BRCA1: variants seen among roughly 807,000 people sequenced by gnomAD.
BRCA1 encodes the protein breast cancer type 1 susceptibility protein.
In BRCA1, 140 loss-of-function variants were observed where a neutral mutation model predicts 173.7. The observed-to-expected ratio is 0.81, with a 90% CI of 0.70 to 0.93. The LOEUF (loss-of-function observed/expected upper bound fraction) is 0.93, where lower values mean the gene tolerates loss of function less well. BRCA1 is among the 40% of genes least tolerant of loss of function. The pLI, the probability that BRCA1 is intolerant of heterozygous loss-of-function variation, is 0.00. For synonymous variants in BRCA1, 662 were observed against 756.0 expected, an observed-to-expected ratio of 0.88 and a Z score of 2.04; for missense variants, 1,983 against 2,172.5, an observed-to-expected ratio of 0.91 and a Z score of 1.73.
At chr17:43,124,889 T>C (rs1378752260) in intron 1 of BRCA1, 3 of 313,850 alleles carry the variant, frequency 9.6e-6, no homozygotes, top group East Asian at 8.8e-5. Flanking sequence ...CCTGAGTAGC[T>C]GGAGCGGCAC....
chr17:43,114,334 T>G (rs755699679), intron 3 of BRCA1, among the ~76,000 whole-genome samples: 4 of 151,534 alleles, frequency 2.6e-5, no homozygotes, highest in African/African-American at 9.7e-5. Flanking sequence ...CCAGATAAAT[T>G]GAAAGCCCCA....
At chr17:43,111,897 G>A (rs1224239755) in intron 3 of BRCA1, among the ~76,000 whole-genome samples, 9 of 152,038 alleles carry the variant, frequency 5.9e-5, no homozygotes, top group Admixed American at 5.2e-4. Flanking sequence ...GGCTTGCTTG[G>A]GTCAATAAAG....
intron 1 of BRCA1, chr17:43,138,187 A>G (rs1597934490): frequency 5.5e-6 from 1 of 181,460 alleles, no homozygotes; most frequent in East Asian, 1.6e-4. Flanking sequence ...TCCATCTCAA[A>G]AGGAAAAAAA....
At chr17:43,109,917 C>T (rs1425614923) in intron 3 of BRCA1, among the ~76,000 whole-genome samples, 4 of 148,198 alleles carry the variant, frequency 2.7e-5, no homozygotes, top group Admixed American at 1.4e-4. Context: ...TTTTTTTAGA[C>T]GGAGTCTCGC....
chr17:43,049,202 G>A lies in BRCA1; in HGVS notation c.5333-8C>T, dbSNP rs80358084. The A allele has an allele frequency of 1.7e-5, 28 of 1,611,644 alleles. No homozygotes were observed. Among genetic ancestry groups the A allele is most frequent in the Admixed American group, 3.3e-5 (2 of 59,980 alleles). On this transcript the variant is annotated splice_polypyrimidine_tract_variant and splice_region_variant and intron_variant, in intron 20 of 22. Coordinates refer to ENST00000357654, the MANE Select transcript of BRCA1 (RefSeq NM_007294.4). ...CCATCCATTCCAGTTGATCTAAAAT[G>A]GACATTTAGATGTAAAATCACTGCA...
At chr17:43,063,836 T>C (rs1331338493) in intron 17 of BRCA1, 38 bp downstream of exon 17, 3 of 1,536,556 alleles carry the variant, frequency 2.0e-6, no homozygotes, top group Non-Finnish European at 2.7e-6. Context: ...AATTCTGAGG[T>C]GTTAAAGGGA....
chr17:43,147,089 CT>C (rs1410570707), intron 1 of BRCA1, among the ~76,000 whole-genome samples: 1 of 152,188 alleles, frequency 6.6e-6, no homozygotes, highest in Non-Finnish European at 1.5e-5. Context: ...ACCGCAACCT[CT>C]GCCTCCTGGG....
At chr17:43,136,349 C>G (rs775560437) in intron 1 of BRCA1, among the ~76,000 whole-genome samples, 5 of 152,140 alleles carry the variant, frequency 3.3e-5, no homozygotes, top group Non-Finnish European at 5.9e-5. Flanking sequence ...AAAACCTAGG[C>G]AATACCATTC....
At chr17:43,128,906 C>T (rs935525803), upstream of BRCA1, among the ~76,000 whole-genome samples, 5 of 151,660 alleles carry the variant, frequency 3.3e-5, no homozygotes, top group Non-Finnish European at 7.4e-5. Flanking sequence ...GATCCTCCTG[C>T]CTTGGCCTCC....
intron 1 of BRCA1, chr17:43,138,864 AC>A (rs1567829527): frequency 1.3e-6 from 1 of 778,824 alleles, no homozygotes; most frequent in Non-Finnish European, 2.4e-6. Context: ...GGCTGCAAGG[AC>A]CTCAGCAGCG....
chr17:43,096,502 T>C (rs1330212535), intron 8 of BRCA1, among the ~76,000 whole-genome samples: 1 of 147,914 alleles, frequency 6.8e-6, no homozygotes, highest in East Asian at 2.0e-4. Context: ...AACCAGGGAG[T>C]TGGAGATTGC....
At chr17:43,144,896 GA>G in intron 1 of BRCA1, 1 of 543,322 alleles carries the variant, frequency 1.8e-6, no homozygotes. Context: ...CCAGCTTCGC[GA>G]AGGCTGTAGG....
intron 5 of BRCA1, 40 bp from the exon 6 acceptor site, chr17:43,104,301 G>GA (rs2054645408): frequency 1.3e-6 from 2 of 1,590,098 alleles, no homozygotes; most frequent in Non-Finnish European, 1.7e-6. Context: ...TGCAGTTAGA[G>GA]AAAAATGTAT....
At chr17:43,055,346 G>T (rs1356833644) in intron 19 of BRCA1, among the ~76,000 whole-genome samples, 1 of 152,164 alleles carries the variant, frequency 6.6e-6, no homozygotes, top group Non-Finnish European at 1.5e-5. Flanking sequence ...TAGTATTGTT[G>T]TTAAGAGTTT....
At chr17:43,096,682 A>G (rs1291174282) in intron 8 of BRCA1, among the ~76,000 whole-genome samples, 1 of 152,040 alleles carries the variant, frequency 6.6e-6, no homozygotes, top group African/African-American at 2.4e-5. Context: ...AGCTTGAGAG[A>G]TATGTGGAAA....
At chr17:43,073,467 T>A (rs1472180459) in intron 14 of BRCA1, among the ~76,000 whole-genome samples, 1 of 152,102 alleles carries the variant, frequency 6.6e-6, no homozygotes, top group Non-Finnish European at 1.5e-5. Context: ...CTAATGAACA[T>A]GGCCAAATAC....
At chr17:43,079,555 C>T in intron 12 of BRCA1, 1 of 931,620 alleles carries the variant, frequency 1.1e-6, no homozygotes. Flanking sequence ...AGATTCTTGC[C>T]AAGAGAATTA....
upstream of BRCA1, among the ~76,000 whole-genome samples, chr17:43,129,145 T>C (rs1202164557): frequency 1.3e-5 from 2 of 152,252 alleles, no homozygotes; most frequent in African/African-American, 4.8e-5. Context: ...ATGTCAATTA[T>C]GAAAGCTGAA....
chr17:43,082,319 A>C, intron 12 of BRCA1, 85 bp downstream of exon 12: 1 of 1,403,818 alleles, frequency 7.1e-7, no homozygotes, highest in South Asian at 1.2e-5. Flanking sequence ...AAAATGTTGG[A>C]GCTAGGTCCT....
Sources: gnomAD v4.1 joint callset for allele counts (sites outside exome capture counted in the v4.1 genomes callset) on GRCh38, gnomAD v4.1.1 for gene constraint, MANE v1.5 for transcripts, NCBI Gene and HGNC (gene_info 2026-07-23, HGNC 2026-07-21) for gene names.